The following UBASH3B variants were observed in gnomAD, a reference collection of about 807,000 sequenced individuals.
The protein encoded by UBASH3B is ubiquitin associated and SH3 domain containing B.
A neutral mutation model predicts 83.4 loss-of-function variants in UBASH3B; 37 were observed. The observed-to-expected ratio is 0.44, with a 90% CI of 0.34 to 0.58. The LOEUF is 0.58. UBASH3B is among the 20% of genes least tolerant of loss of function. UBASH3B has a pLI of 0.01. For missense variants in UBASH3B, 657 were observed against 827.2 expected (o/e 0.79, Z 2.52); for synonymous variants, 304 against 318.3 (o/e 0.96, Z 0.48).
Position 122,758,371 on chromosome 11 carries a change from G to A in UBASH3B, c.162-17848G>A, listed in dbSNP as rs1861316231. On this transcript the variant is annotated intron_variant, in intron 1 of 13. Transcript: ENST00000284273. This position sits in a 1 kb window ranked among gnomAD's most constrained non-coding sequence, Gnocchi z 4.2. ...CAGCTTAGCAGTGGTGGAACGGGCAGAGTAGAATTTCCTGAGATTTCAGCT... is the reference window on the plus strand; with the variant it reads ...CAGCTTAGCAGTGGTGGAACGGGCAAAGTAGAATTTCCTGAGATTTCAGCT... 6.6e-6 allele frequency among the ~76,000 whole-genome samples: 1 copy of A among 152,266 alleles called. No individual in the cohort carries two copies. The highest frequency in any genetic ancestry group is 1.5e-5 in the Non-Finnish European group (1 of 68,054).
intron 1 of UBASH3B, among the ~76,000 whole-genome samples, chr11:122,771,488 G>T (rs906827536): frequency 6.6e-6 from 1 of 152,088 alleles, no homozygotes; most frequent in South Asian, 2.1e-4. Context: ...TGATCCACCC[G>T]CCTTGGCCTC....
At chr11:122,694,116 A>G (rs1269159819) in intron 1 of UBASH3B, among the ~76,000 whole-genome samples, 2 of 152,124 alleles carry the variant, frequency 1.3e-5, no homozygotes, top group Non-Finnish European at 2.9e-5. Context: ...CACATAATGA[A>G]CAATTTTTCT....
intron 1 of UBASH3B, among the ~76,000 whole-genome samples, chr11:122,686,256 G>T (rs1433605072): frequency 6.6e-6 from 1 of 152,224 alleles, no homozygotes; most frequent in Non-Finnish European, 1.5e-5. Flanking sequence ...GAGAGAAGCA[G>T]GTTTTTTCTC....
intron 1 of UBASH3B, among the ~76,000 whole-genome samples, chr11:122,768,878 AT>A (rs1460197643): frequency 6.6e-6 from 1 of 152,200 alleles, no homozygotes; most frequent in Non-Finnish European, 1.5e-5. Flanking sequence ...CAGTACACTG[AT>A]TTATGGACTT....
intron 3 of UBASH3B, among the ~76,000 whole-genome samples, chr11:122,777,958 C>G (rs570052173): frequency 6.6e-6 from 1 of 151,942 alleles, no homozygotes; most frequent in Non-Finnish European, 1.5e-5. Flanking sequence ...TTGAACTCTT[C>G]ACCTCAAGTG....
intron 1 of UBASH3B, among the ~76,000 whole-genome samples, chr11:122,770,670 G>T (rs1026953574): frequency 6.6e-6 from 1 of 152,132 alleles, no homozygotes; most frequent in African/African-American, 2.4e-5. Flanking sequence ...TATTCGCCTG[G>T]AACAATACTA....
At chr11:122,794,890 C>T in intron 7 of UBASH3B, 56 bp downstream of exon 7, 6 of 1,605,130 alleles carry the variant, frequency 3.7e-6, no homozygotes, top group Non-Finnish European at 5.1e-6. Context: ...CACTGAGAAC[C>T]TATTTATTAA....
chr11:122,745,978 T>C (rs986211763), intron 1 of UBASH3B, among the ~76,000 whole-genome samples: 1 of 152,232 alleles, frequency 6.6e-6, no homozygotes, highest in African/African-American at 2.4e-5. Flanking sequence ...GACTTTGTTT[T>C]GTCTATCACT....
intron 1 of UBASH3B, among the ~76,000 whole-genome samples, chr11:122,740,839 T>C (rs1861012117): frequency 6.6e-6 from 1 of 152,218 alleles, no homozygotes. Context: ...TCATTTTTTA[T>C]AAAAATTCAC....
intron 1 of UBASH3B, among the ~76,000 whole-genome samples, chr11:122,751,194 T>C (rs1469761651): frequency 6.6e-6 from 1 of 152,238 alleles, no homozygotes; most frequent in African/African-American, 2.4e-5. Flanking sequence ...CCTGGCAGCA[T>C]TTATCTTATT....
rs545261953 is a variant in UBASH3B, at chr11:122,811,158, C to T, written c.*1272C>T. 6.5e-6 allele frequency: 1 copy of T among 152,736 alleles called. No individual in the cohort carries two copies. Among genetic ancestry groups the T allele is most frequent in the East Asian group, 1.9e-4 (1 of 5,188 alleles). 9.5% of individuals were successfully genotyped at this position (152,736 alleles called of 1,614,324 possible). On this transcript the variant is annotated 3_prime_UTR_variant, in exon 14 of 14. Transcript: ENST00000284273. ...TTATTTAAAAGAAATAAATGACAAT[C>T]AAACCAAATCATCAGTTATCAATGT...
At chr11:122,723,152 C>G (rs558318983) in intron 1 of UBASH3B, among the ~76,000 whole-genome samples, 25 of 152,122 alleles carry the variant, frequency 1.6e-4, no homozygotes, top group Non-Finnish European at 3.2e-4. Context: ...ATTCAGTAGG[C>G]TTAAGAGGAT....
At chr11:122,684,416 G>A (rs1315130515) in intron 1 of UBASH3B, among the ~76,000 whole-genome samples, 2 of 152,196 alleles carry the variant, frequency 1.3e-5, no homozygotes, top group African/African-American at 4.8e-5. Flanking sequence ...AATGCTGTGT[G>A]TACTTATTCA....
intron 1 of UBASH3B, 21 bp downstream of exon 1, chr11:122,656,231 C>A (rs749666765): frequency 1.4e-6 from 2 of 1,405,716 alleles, no homozygotes; most frequent in South Asian, 1.5e-5. Context: ...GGGCTCGCAG[C>A]CCTCGGCGAC....
At chr11:122,690,194 A>ATATATCCAAT (rs1555135507) in intron 1 of UBASH3B, among the ~76,000 whole-genome samples, 1 of 21,292 alleles carries the variant, frequency 4.7e-5, no homozygotes, top group Non-Finnish European at 8.9e-5. Flanking sequence ...ATATATATAT[A>ATATATCCAAT]TATATATATA....
intron 1 of UBASH3B, among the ~76,000 whole-genome samples, chr11:122,724,880 C>G (rs1860704658): frequency 6.6e-6 from 1 of 151,928 alleles, no homozygotes; most frequent in Non-Finnish European, 1.5e-5. Flanking sequence ...GAGGACTTTG[C>G]CTGGAGGAAA....
At chr11:122,700,208 A>G (rs1410597499) in intron 1 of UBASH3B, among the ~76,000 whole-genome samples, 1 of 152,184 alleles carries the variant, frequency 6.6e-6, no homozygotes, top group East Asian at 1.9e-4. Context: ...TTAGGTAGAG[A>G]TCCAATTCCT....
At position 122,811,659 on chromosome 11, in the gene UBASH3B, T is replaced by C. The variant is rs1861450430; in HGVS notation, c.*1773T>C. ...ATTTTTTTTAGGTCACTTAGAAAAA[T>C]ATGTCATGTATTTTACATTTTGAGA... On this transcript the variant is annotated 3_prime_UTR_variant, in exon 14 of 14. Coordinates refer to ENST00000284273, the MANE Select transcript of UBASH3B (RefSeq NM_032873.5). 6.6e-6 allele frequency: 1 copy of C among 151,960 alleles called. No homozygotes were observed. The highest frequency in any genetic ancestry group is 2.1e-4 in the South Asian group (1 of 4,822). 9.4% of individuals were successfully genotyped at this position (151,960 alleles called of 1,614,324 possible). A position where few individuals can be genotyped will look rare whatever the true frequency, so the allele number is the denominator to read the frequency against.
intron 1 of UBASH3B, among the ~76,000 whole-genome samples, chr11:122,730,664 C>T (rs547211814): frequency 6.6e-6 from 1 of 151,546 alleles, no homozygotes; most frequent in Non-Finnish European, 1.5e-5. Flanking sequence ...GGCACGATCT[C>T]GGCTCATTGC....
Sources: allele counts gnomAD v4.1 joint callset (sites outside exome capture counted in the v4.1 genomes callset), GRCh38; gene constraint gnomAD v4.1.1; non-coding constraint Gnocchi (gnomAD v3.1); transcripts MANE v1.5; gene names NCBI Gene and HGNC (gene_info 2026-07-23, HGNC 2026-07-21).